The following NAALADL2 variants were observed in gnomAD, a reference collection of about 807,000 sequenced individuals.
The protein encoded by NAALADL2 is N-acetylated alpha-linked acidic dipeptidase like 2, also known as inactive N-acetylated-alpha-linked acidic dipeptidase-like protein 2.
In NAALADL2, 76 loss-of-function variants were observed where a neutral mutation model predicts 87.2. The ratio of observed to expected loss-of-function variants is 0.87; its 90% CI spans 0.72 to 1.05. The LOEUF (loss-of-function observed/expected upper bound fraction) is 1.05, where lower values mean the gene tolerates loss of function less well. NAALADL2 is among the 50% of genes least tolerant of loss of function. NAALADL2 has a pLI of 0.00. For missense variants in NAALADL2, 1,089 were observed against 945.8 expected (o/e 1.15, Z -1.99); for synonymous variants, 354 against 331.0 (o/e 1.07, Z -0.75).
intron 5 of NAALADL2, among the ~76,000 whole-genome samples, chr3:175,384,232 A>G (rs1346896076): frequency 1.3e-5 from 2 of 151,852 alleles, no homozygotes; most frequent in East Asian, 3.9e-4. Context: ...AAATATTCCT[A>G]TTGTCTGCAT....
intron 2 of NAALADL2, among the ~76,000 whole-genome samples, chr3:174,706,830 G>T (rs1469158355): frequency 6.6e-6 from 1 of 152,130 alleles, no homozygotes; most frequent in Non-Finnish European, 1.5e-5. Context: ...GTAAGGAAGG[G>T]ATCCAGTTTC....
At chr3:174,742,290 G>A (rs115922266) in intron 3 of NAALADL2, among the ~76,000 whole-genome samples, 1,650 of 151,676 alleles carry the variant, frequency 0.011, 20 homozygotes, top group Middle Eastern at 0.027. Flanking sequence ...CTGTCTAGTG[G>A]GGGATACAAA....
Position 174,687,143 on chromosome 3 carries a change from T to C in NAALADL2, c.-114-50498T>C, listed in dbSNP as rs140615714. ...TATCTCCTAATCCTCTCCACCAACTTTTCTCATTTCTTTATCACAAACTTG... is the reference window on the plus strand; with the variant it reads ...TATCTCCTAATCCTCTCCACCAACTCTTCTCATTTCTTTATCACAAACTTG... On this transcript the variant is annotated intron_variant, in intron 2 of 3. Coordinates refer to the NAALADL2 transcript ENST00000434257. 5.9e-5 allele frequency among the ~76,000 whole-genome samples: 9 copies of C among 152,172 alleles called. 1 individual carries two copies. The East Asian group carries it at 1.7e-3, about 30-fold the overall frequency.
intron 1 of NAALADL2, among the ~76,000 whole-genome samples, chr3:174,952,039 T>A (rs1036634234): frequency 6.6e-5 from 10 of 152,134 alleles, no homozygotes; most frequent in Non-Finnish European, 1.0e-4. Context: ...TTAGGCAAAC[T>A]CTTATTCATT....
intron 5 of NAALADL2, among the ~76,000 whole-genome samples, chr3:175,347,080 G>C (rs1057017584): frequency 6.6e-6 from 1 of 152,156 alleles, no homozygotes; most frequent in South Asian, 2.1e-4. Context: ...TCTCAAGCCT[G>C]TGCTGCTGCT....
chr3:174,687,027 A>G (rs1422871273), intron 2 of NAALADL2, among the ~76,000 whole-genome samples: 2 of 152,034 alleles, frequency 1.3e-5, no homozygotes, highest in African/African-American at 4.8e-5. Context: ...AGTCTGTCTT[A>G]TGGCTTCCAA....
chr3:175,547,775 A>G (rs1425506219), intron 9 of NAALADL2, among the ~76,000 whole-genome samples: 1 of 151,142 alleles, frequency 6.6e-6, no homozygotes, highest in Non-Finnish European at 1.5e-5. Flanking sequence ...GAAGACATAC[A>G]TGTGACCAAC....
upstream of NAALADL2, among the ~76,000 whole-genome samples, chr3:174,854,826 C>CT (rs1172512711): frequency 4.5e-5 from 6 of 134,180 alleles, 1 homozygote; most frequent in South Asian, 9.6e-4. Flanking sequence ...ATGTGCTTTG[C>CT]TTTTTTTTCT....
intron 1 of NAALADL2, among the ~76,000 whole-genome samples, chr3:174,882,761 A>G (rs571342090): frequency 6.9e-6 from 1 of 145,566 alleles, no homozygotes; most frequent in Non-Finnish European, 1.5e-5. Flanking sequence ...ACGTGTATAT[A>G]TACACACGTG....
At chr3:174,516,708 TG>T (rs1483324574) in intron 1 of NAALADL2, among the ~76,000 whole-genome samples, 2 of 152,072 alleles carry the variant, frequency 1.3e-5, no homozygotes, top group African/African-American at 4.8e-5. Context: ...ATATTACTTT[TG>T]CTTAAAATCA....
At chr3:175,276,166 T>C (rs1417491233) in intron 4 of NAALADL2, among the ~76,000 whole-genome samples, 1 of 151,114 alleles carries the variant, frequency 6.6e-6, no homozygotes, top group African/African-American at 2.4e-5. Flanking sequence ...GATAAAGTAC[T>C]TTTCATCTAT....
intron 2 of NAALADL2, among the ~76,000 whole-genome samples, chr3:175,182,779 C>A (rs1560130816): frequency 6.6e-6 from 1 of 151,690 alleles, no homozygotes; most frequent in Admixed American, 6.6e-5. Context: ...GTTACCTGAA[C>A]TTTTGGGGTC....
intron 3 of NAALADL2, among the ~76,000 whole-genome samples, chr3:174,790,571 C>T (rs1000126163): frequency 1.3e-4 from 20 of 151,778 alleles, no homozygotes; most frequent in African/African-American, 4.6e-4. Flanking sequence ...TTGCCTGAAC[C>T]CAGGAGGCAG....
At chr3:175,800,004 A>T (rs1753950076) in intron 13 of NAALADL2, among the ~76,000 whole-genome samples, 1 of 152,202 alleles carries the variant, frequency 6.6e-6, no homozygotes, top group Non-Finnish European at 1.5e-5. Flanking sequence ...CTGGTACTGG[A>T]TGATGAATCA....
At chr3:175,504,565 TTCTCTCTCTCTC>T (rs200985901) in intron 9 of NAALADL2, among the ~76,000 whole-genome samples, 10,906 of 134,268 alleles carry the variant, frequency 0.081, 514 homozygotes, top group South Asian at 0.11. Flanking sequence ...CTCTCTCTGT[TTCTCTCTCTCTC>T]TCTCTCTCTC....
At chr3:175,774,785 G>A (rs933646524) in intron 13 of NAALADL2, among the ~76,000 whole-genome samples, 13 of 152,030 alleles carry the variant, frequency 8.6e-5, no homozygotes, top group South Asian at 2.1e-4. Flanking sequence ...ACATACTACC[G>A]AAAAGTAAAA....
intron 1 of NAALADL2, among the ~76,000 whole-genome samples, chr3:174,544,567 C>CTTTTTTTTTTTTTTT (rs10575227): frequency 8.8e-4 from 101 of 115,120 alleles, no homozygotes; most frequent in Non-Finnish European, 1.3e-3. Flanking sequence ...TTTTTGTTTT[C>CTTTTTTTTTTTTTTT]TTTTTTTTTT....
intron 1 of NAALADL2, among the ~76,000 whole-genome samples, chr3:174,900,095 T>C (rs1195834438): frequency 6.6e-6 from 1 of 151,952 alleles, no homozygotes; most frequent in Non-Finnish European, 1.5e-5. Flanking sequence ...GGAAAAGATA[T>C]TGAGGAGAGA....
At chr3:175,275,990 T>G (rs1237859396) in intron 4 of NAALADL2, among the ~76,000 whole-genome samples, 1 of 151,610 alleles carries the variant, frequency 6.6e-6, no homozygotes, top group Non-Finnish European at 1.5e-5. Context: ...CATTTTAATG[T>G]TTTTTCTTCA....
Sources: gnomAD v4.1 joint callset for allele counts (sites outside exome capture counted in the v4.1 genomes callset) on GRCh38, gnomAD v4.1.1 for gene constraint, MANE v1.5 for transcripts, NCBI Gene and HGNC (gene_info 2026-07-23, HGNC 2026-07-21) for gene names.